Variants in DDAH1 observed in about 807,000 individuals in gnomAD.
DDAH1 encodes N(G),N(G)-dimethylarginine dimethylaminohydrolase 1.
DDAH1 carries 19 observed loss-of-function variants against 28.8 expected under a neutral mutation model. That is an observed-to-expected ratio of 0.66 (90% CI 0.46 to 0.97). DDAH1 has a LOEUF of 0.97. DDAH1 is among the 50% of genes least tolerant of loss of function. The pLI is 0.00. For missense variants in DDAH1, 326 were observed against 375.9 expected, an observed-to-expected ratio of 0.87 and a Z score of 1.10; for synonymous variants, 153 against 154.4, an observed-to-expected ratio of 0.99 and a Z score of 0.07.
At chr1:85,556,782 G>A (rs1658982958) in intron 1 of DDAH1, among the ~76,000 whole-genome samples, 1 of 152,214 alleles carries the variant, frequency 6.6e-6, no homozygotes, top group South Asian at 2.1e-4. Flanking sequence ...TGACTGTTCA[G>A]TATCCCTTAG....
chr1:85,381,054 T>C (rs1231320823), intron 1 of DDAH1, among the ~76,000 whole-genome samples: 4 of 151,576 alleles, frequency 2.6e-5, no homozygotes, highest in Non-Finnish European at 5.9e-5. Flanking sequence ...CTGGCCAATA[T>C]GGTGAAACCT....
At chr1:85,346,385 C>T (rs1422235933) in intron 4 of DDAH1, among the ~76,000 whole-genome samples, 1 of 152,080 alleles carries the variant, frequency 6.6e-6, no homozygotes, top group Admixed American at 6.6e-5. Flanking sequence ...TCCTGGATAC[C>T]AGTAAAAAAT....
chr1:85,453,288 C>G (rs1453718916), intron 1 of DDAH1, among the ~76,000 whole-genome samples: 3 of 152,214 alleles, frequency 2.0e-5, no homozygotes, highest in African/African-American at 7.2e-5. Context: ...GCAAACCACT[C>G]AGAGGCTTCA....
At chr1:85,330,673 T>C (rs1647706233) in intron 4 of DDAH1, among the ~76,000 whole-genome samples, 1 of 152,238 alleles carries the variant, frequency 6.6e-6, no homozygotes, top group African/African-American at 2.4e-5. Flanking sequence ...AGAAGTCAAG[T>C]TGCTGTTCCG....
chr1:85,327,740 A>C (rs748867409), intron 4 of DDAH1, among the ~76,000 whole-genome samples: 5 of 152,194 alleles, frequency 3.3e-5, no homozygotes, highest in Non-Finnish European at 5.9e-5. Flanking sequence ...GGAATGCTAT[A>C]CCTATCCTCC....
At chr1:85,380,589 G>A (rs1474216161) in intron 1 of DDAH1, 2 of 152,176 alleles carry the variant, frequency 1.3e-5, no homozygotes, top group Non-Finnish European at 2.9e-5. Flanking sequence ...AGGATCAGAG[G>A]TAAGGCAGGC....
intron 1 of DDAH1, among the ~76,000 whole-genome samples, chr1:85,446,150 G>A (rs924979433): frequency 6.6e-6 from 1 of 152,144 alleles, no homozygotes. Flanking sequence ...ATACTGCTAT[G>A]AATTGCCTGA....
At chr1:85,436,665 TAATC>T (rs978200587) in intron 1 of DDAH1, among the ~76,000 whole-genome samples, 1 of 152,158 alleles carries the variant, frequency 6.6e-6, no homozygotes, top group African/African-American at 2.4e-5. Context: ...CTGGGCTAAC[TAATC>T]AATCAGATGA....
chr1:85,425,513 T>C (rs1045857798), intron 1 of DDAH1, among the ~76,000 whole-genome samples: 2 of 152,152 alleles, frequency 1.3e-5, no homozygotes, highest in African/African-American at 4.8e-5. Flanking sequence ...GAGAATGCAT[T>C]CTTAAGCAGA....
At chr1:85,349,780 AG>A (rs1453056384) in intron 4 of DDAH1, among the ~76,000 whole-genome samples, 1 of 152,168 alleles carries the variant, frequency 6.6e-6, no homozygotes, top group Non-Finnish European at 1.5e-5. Context: ...AGAGAAGGAA[AG>A]GGAAAGCACT....
intron 1 of DDAH1, among the ~76,000 whole-genome samples, chr1:85,421,023 A>C (rs1204860799): frequency 6.6e-6 from 1 of 152,142 alleles, no homozygotes; most frequent in African/African-American, 2.4e-5. Flanking sequence ...ACAAGAGAGA[A>C]GGAGCAAAAG....
chr1:85,507,952 T>G lies in DDAH1; in HGVS notation c.-122-11671A>C, dbSNP rs147248845. Among the ~76,000 whole-genome samples, 840 of 152,358 alleles carry G rather than the reference T, an allele frequency of 5.5e-3. 5 individuals are homozygous for G. The highest frequency in any genetic ancestry group is 0.032 in the South Asian group (153 of 4,826). ...GGTTAGGCCTGCCTAAAAGCTTACT[T>G]CGATTCAGATTAAGCCCTTTTGGCA... On this transcript the variant is annotated intron_variant, in intron 1 of 6. Transcript: ENST00000426972.
At chr1:85,512,260 C>T (rs1002144135) in intron 1 of DDAH1, among the ~76,000 whole-genome samples, 3 of 152,138 alleles carry the variant, frequency 2.0e-5, no homozygotes, top group Admixed American at 6.5e-5. Context: ...ACATGATTAT[C>T]TCAATAGATG....
At chr1:85,323,968 CAAAAAAAA>C (rs11446322) in intron 5 of DDAH1, among the ~76,000 whole-genome samples, 3 of 99,968 alleles carry the variant, frequency 3.0e-5, no homozygotes, top group Non-Finnish European at 6.1e-5. Flanking sequence ...GATCCTGTCT[CAAAAAAAA>C]AAAAAAAAAA....
intron 1 of DDAH1, among the ~76,000 whole-genome samples, chr1:85,528,080 T>C (rs1657934844): frequency 1.3e-5 from 2 of 151,976 alleles, no homozygotes; most frequent in East Asian, 3.9e-4. Flanking sequence ...TTTTGAACTC[T>C]TCATTTTAGG....
intron 2 of DDAH1, among the ~76,000 whole-genome samples, chr1:85,473,537 C>T (rs1469665017): frequency 1.3e-5 from 2 of 151,864 alleles, no homozygotes; most frequent in Non-Finnish European, 2.9e-5. Flanking sequence ...CCTTCATTTC[C>T]TTGTGAAATG....
chr1:85,356,726 A>G (rs1649506920), intron 2 of DDAH1, among the ~76,000 whole-genome samples: 1 of 152,182 alleles, frequency 6.6e-6, no homozygotes, highest in African/African-American at 2.4e-5. Flanking sequence ...ATAACAAATA[A>G]AAAAAGTCTA....
At chr1:85,570,226 T>A (rs1659411943) in intron 1 of DDAH1, among the ~76,000 whole-genome samples, 1 of 152,172 alleles carries the variant, frequency 6.6e-6, no homozygotes, top group Non-Finnish European at 1.5e-5. Flanking sequence ...TGCTACCACG[T>A]GGCCTCAAAG....
At chr1:85,473,494 C>G (rs10157640) in intron 2 of DDAH1, among the ~76,000 whole-genome samples, 2 of 151,850 alleles carry the variant, frequency 1.3e-5, no homozygotes, top group Non-Finnish European at 2.9e-5. Context: ...TGTACACACA[C>G]ACACACGCAC....
Sources: gnomAD v4.1 joint callset for allele counts (sites outside exome capture counted in the v4.1 genomes callset) on GRCh38, gnomAD v4.1.1 for gene constraint, MANE v1.5 for transcripts, NCBI Gene and HGNC (gene_info 2026-07-23, HGNC 2026-07-21) for gene names.